The following ADNP variants were observed in gnomAD, a reference collection of about 807,000 sequenced individuals.
ADNP encodes the protein activity dependent neuroprotector homeobox, also known as activity-dependent neuroprotector homeobox protein.
A neutral mutation model predicts 84.9 loss-of-function variants in ADNP; 4 were observed. The ratio of observed to expected loss-of-function variants is 0.05; its 90% CI spans 0.02 to 0.11. ADNP has a LOEUF of 0.11. ADNP is among the 10% of genes least tolerant of loss of function. The pLI, the probability that ADNP is intolerant of heterozygous loss-of-function variation, is 1.00. For missense variants in ADNP, 1,132 were observed against 1,326.0 expected (o/e 0.85, Z 2.27); for synonymous variants, 554 against 468.1 (o/e 1.18, Z -2.37).
At chr20:50,917,141 G>A (rs1430309150) in intron 2 of ADNP, among the ~76,000 whole-genome samples, 2 of 152,162 alleles carry the variant, frequency 1.3e-5, no homozygotes, top group Non-Finnish European at 1.5e-5. Context: ...TACCCATGCA[G>A]ACCAAACTCT....
At chr20:50,909,729 C>G (rs1568731471) in intron 2 of ADNP, 1 of 152,268 alleles carries the variant, frequency 6.6e-6, no homozygotes, top group East Asian at 1.9e-4. Flanking sequence ...TGATGGAAGA[C>G]AGAAAGTCAC....
At chr20:50,924,521 C>T (rs1278936232) in intron 2 of ADNP, among the ~76,000 whole-genome samples, 2 of 152,190 alleles carry the variant, frequency 1.3e-5, no homozygotes, top group African/African-American at 4.8e-5. Flanking sequence ...TACTCTGTGG[C>T]TCATTTCATC....
At position 50,893,858 on chromosome 20, in the gene ADNP, T is replaced by C; in HGVS notation, c.856A>G (p.Arg286Gly). 6.2e-7 allele frequency: 1 copy of C among 1,614,210 alleles called. No individual in the cohort carries two copies. Among genetic ancestry groups the C allele is most frequent in the Non-Finnish European group, 8.5e-7 (1 of 1,180,030 alleles). The part of the protein sequence containing the change: ...QDKKSMGLPP[R>G]IGSLASGNVR... Reference sequence around the variant, plus strand: ...TTTCCAGAAGCAAGGGAACCGATCCTTGGTGGGAGTCCCATGCTCTTCTTG... The same window carrying C: ...TTTCCAGAAGCAAGGGAACCGATCCCTGGTGGGAGTCCCATGCTCTTCTTG... Residue 286 changes from arginine (R) to glycine (G), a missense_variant, in exon 6 of 6, where the codon AGG becomes GGG. Transcript: ENST00000621696. This position sits in a 1 kb window ranked among gnomAD's most constrained non-coding sequence, Gnocchi z 4.4.
intron 2 of ADNP, among the ~76,000 whole-genome samples, chr20:50,911,461 T>A (rs914783239): frequency 6.6e-6 from 1 of 152,144 alleles, no homozygotes; most frequent in African/African-American, 2.4e-5. Context: ...GATGTCCTTG[T>A]ACATTATTTG....
chr20:50,928,250 T>C (rs899921488), intron 2 of ADNP, among the ~76,000 whole-genome samples: 2 of 152,320 alleles, frequency 1.3e-5, no homozygotes, highest in South Asian at 2.1e-4. Context: ...GTCTTAAAGG[T>C]ACCCACAAAC....
At chr20:50,918,182 G>A (rs1339199179) in intron 2 of ADNP, among the ~76,000 whole-genome samples, 2 of 151,938 alleles carry the variant, frequency 1.3e-5, no homozygotes, top group Non-Finnish European at 2.9e-5. Flanking sequence ...TTTTAAAGTG[G>A]CTACTGGGAA....
intron 5 of ADNP, among the ~76,000 whole-genome samples, chr20:50,901,490 C>T (rs1270727960): frequency 6.6e-6 from 1 of 152,030 alleles, no homozygotes; most frequent in African/African-American, 2.4e-5. Context: ...AAGGAAATAT[C>T]ACCTATATGA....
At chr20:50,902,180 T>G in intron 4 of ADNP, 71 bp from the exon 5 acceptor site, 1 of 1,167,152 alleles carries the variant, frequency 8.6e-7, no homozygotes, top group South Asian at 1.3e-5. Context: ...CATGTAAATC[T>G]CACCTCTTAA....
intron 2 of ADNP, among the ~76,000 whole-genome samples, chr20:50,926,802 G>C (rs1193847032): frequency 2.6e-5 from 4 of 152,224 alleles, no homozygotes; most frequent in South Asian, 2.1e-4. Flanking sequence ...CATAAATGCT[G>C]AAGTTTTTCT....
At chr20:50,918,027 G>A (rs1355189219) in intron 2 of ADNP, among the ~76,000 whole-genome samples, 1 of 152,170 alleles carries the variant, frequency 6.6e-6, no homozygotes, top group Admixed American at 6.5e-5. Flanking sequence ...AAAGTAAAAT[G>A]GTGGTTGCCA....
chr20:50,929,423 C>T (rs115418594), intron 1 of ADNP, among the ~76,000 whole-genome samples: 285 of 152,350 alleles, frequency 1.9e-3, no homozygotes, highest in African/African-American at 6.5e-3. Context: ...CTTAATCCTT[C>T]GCCATGTTGC....
chr20:50,902,188 TAAC>T, intron 4 of ADNP, 79 bp from the exon 5 acceptor site: 1 of 1,066,214 alleles, frequency 9.4e-7, no homozygotes, highest in Non-Finnish European at 1.4e-6. Flanking sequence ...TCTCACCTCT[TAAC>T]TAAGATGGGG....
At chr20:50,915,231 A>G (rs994222547) in intron 2 of ADNP, among the ~76,000 whole-genome samples, 16 of 152,130 alleles carry the variant, frequency 1.1e-4, no homozygotes, top group African/African-American at 3.9e-4. Flanking sequence ...ATACCTGTCT[A>G]TATCACTCAT....
intron 5 of ADNP, among the ~76,000 whole-genome samples, chr20:50,897,780 G>A (rs1056728205): frequency 6.6e-6 from 1 of 152,184 alleles, no homozygotes; most frequent in East Asian, 1.9e-4. Context: ...ACTTAAAGGA[G>A]GCATTTGCTT....
Position 50,931,399 on chromosome 20 carries a change from T to TC in ADNP, c.-839dup, listed in dbSNP as rs910967184. On this transcript the variant is annotated 5_prime_UTR_variant, in exon 1 of 6. Transcript: ENST00000621696. ...GACAATACAAGCGCCTCGGACCGAG[T>TC]CCCCGAACCTGCCCTAGCCAAAATG... 6.6e-6 allele frequency: 1 copy of TC among 151,332 alleles called. No homozygotes were observed. The highest frequency in any genetic ancestry group is 2.4e-5 in the African/African-American group (1 of 40,832). The allele number at this position is 151,332 out of a possible 1,614,324, so 9.4% of individuals were successfully genotyped here. A position where few individuals can be genotyped will look rare whatever the true frequency, so the allele number is the denominator to read the frequency against.
intron 5 of ADNP, 101 bp downstream of exon 5, chr20:50,901,916 G>T: frequency 2.3e-6 from 2 of 881,938 alleles, no homozygotes; most frequent in South Asian, 1.4e-5. Flanking sequence ...TTCGATGTTT[G>T]GCACTTGCCC....
chr20:50,909,921 G>C (rs997095673), intron 2 of ADNP: 2 of 152,180 alleles, frequency 1.3e-5, no homozygotes, highest in African/African-American at 4.8e-5. Context: ...TATTGATATT[G>C]TTTAAGGTCC....
rs1568698384 is a variant in ADNP at position 50,890,151 on chromosome 20, A to AC, written c.*1253_*1254insG. The AC allele has an allele frequency of 3.8e-6, 1 of 263,126 alleles. No individual in the cohort carries two copies. The highest frequency in any genetic ancestry group is 6.9e-6 in the Non-Finnish European group (1 of 144,610). The allele number at this position is 263,126 out of a possible 1,614,324, so 16.3% of individuals were successfully genotyped here. ...TCAGTTAAAAAAAAAAAAAAAAAAA[A>AC]AAAAAAAAAAGAAAAACAGATTTTG... On this transcript the variant is annotated 3_prime_UTR_variant, in exon 6 of 6. Coordinates refer to ENST00000621696, the MANE Select transcript of ADNP (RefSeq NM_001282531.3).
At chr20:50,924,835 A>G (rs926110083) in intron 2 of ADNP, among the ~76,000 whole-genome samples, 1 of 152,230 alleles carries the variant, frequency 6.6e-6, no homozygotes, top group Non-Finnish European at 1.5e-5. Flanking sequence ...AGCTGGTCAA[A>G]TAATGCATGA....
Sources: allele counts gnomAD v4.1 joint callset (sites outside exome capture counted in the v4.1 genomes callset), GRCh38; gene constraint gnomAD v4.1.1; non-coding constraint Gnocchi (gnomAD v3.1); transcripts MANE v1.5; gene names NCBI Gene and HGNC (gene_info 2026-07-23, HGNC 2026-07-21).